CAMK4: variants seen among roughly 807,000 people sequenced by gnomAD.
CAMK4 encodes the protein calcium/calmodulin dependent protein kinase IV, also known as calcium/calmodulin-dependent protein kinase type IV.
A neutral mutation model predicts 44.9 loss-of-function variants in CAMK4; 22 were observed. The observed-to-expected ratio is 0.49, with a 90% CI of 0.35 to 0.70. The LOEUF is 0.70. Among genes scored for constraint, CAMK4 ranks in the 30% least tolerant of loss-of-function variants. CAMK4 has a pLI of 0.01. For missense variants in CAMK4, 498 were observed against 586.8 expected (o/e 0.85, Z 1.56); for synonymous variants, 218 against 215.4 (o/e 1.01, Z -0.11).
At chr5:111,236,321 C>G (rs986427676) in intron 1 of CAMK4, among the ~76,000 whole-genome samples, 3 of 152,262 alleles carry the variant, frequency 2.0e-5, no homozygotes, top group Non-Finnish European at 4.4e-5. Context: ...CACTTCTCTT[C>G]TGTAATTACC....
intron 1 of CAMK4, among the ~76,000 whole-genome samples, chr5:111,233,039 T>C (rs1303521433): frequency 2.6e-5 from 4 of 152,336 alleles, no homozygotes; most frequent in African/African-American, 7.2e-5. Context: ...TTTCATATAA[T>C]TTTCACATCA....
At chr5:111,244,145 C>G (rs1213799515) in intron 1 of CAMK4, among the ~76,000 whole-genome samples, 1 of 152,126 alleles carries the variant, frequency 6.6e-6, no homozygotes, top group Non-Finnish European at 1.5e-5. Context: ...TAAACCATTC[C>G]CAGCTATTCC....
At chr5:111,302,156 A>G (rs1747747064) in intron 1 of CAMK4, 1 of 152,174 alleles carries the variant, frequency 6.6e-6, no homozygotes, top group Non-Finnish European at 1.5e-5. Context: ...GCTACTAGTT[A>G]GCTGTAAATT....
chr5:111,439,948 T>C (rs1405528190), intron 5 of CAMK4, among the ~76,000 whole-genome samples: 2 of 152,042 alleles, frequency 1.3e-5, no homozygotes, highest in Non-Finnish European at 2.9e-5. Context: ...TTGGGTTTGA[T>C]AGGACAAAAA....
At chr5:111,341,717 T>G (rs1392889765) in intron 1 of CAMK4, among the ~76,000 whole-genome samples, 1 of 151,316 alleles carries the variant, frequency 6.6e-6, no homozygotes, top group Non-Finnish European at 1.5e-5. Context: ...TTTAAATAGA[T>G]TAACACATTT....
intron 8 of CAMK4, among the ~76,000 whole-genome samples, chr5:111,476,584 T>C (rs1265455537): frequency 1.3e-5 from 2 of 152,000 alleles, no homozygotes; most frequent in East Asian, 3.9e-4. Flanking sequence ...GCCCACTCTT[T>C]CCTTCTTAAG....
chr5:111,388,688 A>G (rs961522892), intron 4 of CAMK4, among the ~76,000 whole-genome samples: 6 of 152,174 alleles, frequency 3.9e-5, no homozygotes, highest in African/African-American at 1.4e-4. Flanking sequence ...ACTTATACCA[A>G]GAGAAAGCCC....
chr5:111,335,210 A>G (rs1006094810), intron 1 of CAMK4, among the ~76,000 whole-genome samples: 2 of 151,474 alleles, frequency 1.3e-5, no homozygotes, highest in Admixed American at 6.6e-5. Context: ...ACATCCCACT[A>G]TGTCCTCTCC....
chr5:111,480,767 A>T (rs1755408431), intron 9 of CAMK4, among the ~76,000 whole-genome samples: 2 of 152,146 alleles, frequency 1.3e-5, no homozygotes, highest in African/African-American at 4.8e-5. Context: ...ATGTTAAGTA[A>T]CTAATATCAA....
chr5:111,224,321 C>A (rs1580444885), upstream of CAMK4: 1 of 1,071,712 alleles, frequency 9.3e-7, no homozygotes, highest in Non-Finnish European at 1.2e-6. This position sits in a 1 kb window ranked among gnomAD's most constrained non-coding sequence, Gnocchi z 5.7. Context: ...CCCTTCCCCG[C>A]CCACCGTCCC....
intron 6 of CAMK4, among the ~76,000 whole-genome samples, chr5:111,447,583 A>G (rs530018235): frequency 6.6e-6 from 1 of 152,328 alleles, no homozygotes; most frequent in East Asian, 1.9e-4. Flanking sequence ...CTTTCCAAGT[A>G]TCTTCCAAAG....
At chr5:111,358,079 G>A (rs966567701) in intron 2 of CAMK4, 1 of 152,098 alleles carries the variant, frequency 6.6e-6, no homozygotes, top group Non-Finnish European at 1.5e-5. Flanking sequence ...GATAAAGGAT[G>A]ATTAAGCCTT....
At chr5:111,374,735 G>A in intron 2 of CAMK4, 115 bp from the exon 3 acceptor site, 4 of 685,558 alleles carry the variant, frequency 5.8e-6, no homozygotes, top group African/African-American at 3.6e-5. Flanking sequence ...AAAAGCTAAG[G>A]AATTAGGCTC....
chr5:111,466,363 G>A (rs1754827850), intron 7 of CAMK4, among the ~76,000 whole-genome samples: 1 of 152,102 alleles, frequency 6.6e-6, no homozygotes, highest in Admixed American at 6.5e-5. Context: ...AATCAGACAA[G>A]AGAAAGAAAT....
chr5:111,427,805 G>C (rs1276543561), intron 5 of CAMK4, among the ~76,000 whole-genome samples: 1 of 152,222 alleles, frequency 6.6e-6, no homozygotes, highest in Non-Finnish European at 1.5e-5. Flanking sequence ...CGGGGGCCTG[G>C]GGACCTCACT....
chr5:111,447,704 G>A (rs78319231), intron 6 of CAMK4, among the ~76,000 whole-genome samples: 4,122 of 152,138 alleles, frequency 0.027, 80 homozygotes, highest in Non-Finnish European at 0.031. Context: ...CTTCCTTATC[G>A]TGCTAATCTG....
intron 5 of CAMK4, among the ~76,000 whole-genome samples, chr5:111,400,132 T>TG (rs1752169535): frequency 1.9e-5 from 2 of 104,498 alleles, no homozygotes; most frequent in South Asian, 2.8e-4. Context: ...GTTGAGGGTT[T>TG]GTTTTTTTTT....
chr5:111,250,476 C>T (rs389402), intron 1 of CAMK4, among the ~76,000 whole-genome samples: 95,764 of 151,970 alleles, frequency 0.63, 31,005 homozygotes, highest in African/African-American at 0.79. Flanking sequence ...ATGTATTTTG[C>T]TACCCATTTT....
At chr5:111,281,961 G>A (rs539128521) in intron 1 of CAMK4, among the ~76,000 whole-genome samples, 87 of 152,062 alleles carry the variant, frequency 5.7e-4, no homozygotes, top group African/African-American at 2.1e-3. Context: ...GGGAGGCTGA[G>A]GCAGGAGAAT....
Sources: allele counts gnomAD v4.1 joint callset (sites outside exome capture counted in the v4.1 genomes callset), GRCh38; gene constraint gnomAD v4.1.1; non-coding constraint Gnocchi (gnomAD v3.1); transcripts MANE v1.5; gene names NCBI Gene and HGNC (gene_info 2026-07-23, HGNC 2026-07-21).